MCHR2: variants seen among roughly 807,000 people sequenced by gnomAD.
MCHR2 encodes the protein melanin concentrating hormone receptor 2.
MCHR2 carries 15 observed loss-of-function variants against 24.8 expected under a neutral mutation model. The ratio of observed to expected loss-of-function variants is 0.60; its 90% CI spans 0.40 to 0.93. The LOEUF is 0.93. MCHR2 is among the 40% of genes least tolerant of loss of function. The pLI, the probability that MCHR2 is intolerant of heterozygous loss-of-function variation, is 0.00. For synonymous variants in MCHR2, 151 were observed against 147.6 expected (o/e 1.02, Z -0.17); for missense variants, 386 against 408.7 (o/e 0.94, Z 0.48).
intron 5 of MCHR2, among the ~76,000 whole-genome samples, chr6:99,927,267 C>T (rs1046298332): frequency 1.3e-5 from 2 of 152,318 alleles, no homozygotes; most frequent in African/African-American, 4.8e-5. Flanking sequence ...AGTCAGGTAG[C>T]ATGATGCCTC....
intron 4 of MCHR2, among the ~76,000 whole-genome samples, chr6:99,938,283 C>T (rs1023466524): frequency 5.9e-5 from 9 of 151,736 alleles, no homozygotes; most frequent in African/African-American, 1.5e-4. Context: ...GAGGTACATT[C>T]GTGGGTTGTT....
chr6:99,947,939 A>G lies in MCHR2; in HGVS notation c.215T>C (p.Ile72Thr), dbSNP rs1774902140. ...SRKKTVPDIY[I>T]CNLAVADLVH... ...CAAATCAGCCACAGCCAGGTTGCAG[A>G]TATAGATGTCAGGGACTGTTTTTTT... Residue 72 changes from isoleucine to threonine, a missense_variant, in exon 3 of 6, where the codon ATC becomes ACC. Coordinates refer to ENST00000281806, the MANE Select transcript of MCHR2 (RefSeq NM_001040179.2). 6.2e-7 allele frequency: 1 copy of G among 1,613,582 alleles called. No homozygotes were observed. Among genetic ancestry groups the G allele is most frequent in the African/African-American group, 1.3e-5 (1 of 74,892 alleles).
intron 1 of MCHR2, among the ~76,000 whole-genome samples, chr6:99,965,617 T>G (rs1037904743): frequency 2.0e-5 from 3 of 152,162 alleles, no homozygotes; most frequent in African/African-American, 7.2e-5. Flanking sequence ...GAAAATCTAG[T>G]GTTTTGTAAT....
rs376221956 is a variant in MCHR2 at position 99,964,939 on chromosome 6, C to T, written c.-27-8765G>A. On this transcript the variant is annotated intron_variant, in intron 1 of 5. Transcript: ENST00000281806. ...TATAGAATTAAAAAACAAGGCAAAA[C>T]GAATCTATATTACTAGGGCTACATA... Among the ~76,000 whole-genome samples the T allele has an allele frequency of 1.4e-3, 215 of 151,946 alleles. 2 individuals carry two copies. In the South Asian group the frequency reaches 0.019, roughly 13 times the overall value.
At chr6:99,964,412 A>G (rs957079372) in intron 1 of MCHR2, among the ~76,000 whole-genome samples, 6 of 152,148 alleles carry the variant, frequency 3.9e-5, no homozygotes, top group African/African-American at 1.4e-4. Context: ...GGTAATTTAT[A>G]AAGGAAAGAG....
Position 99,921,226 on chromosome 6 carries a change from ACT to A in MCHR2, c.735_736del (p.Arg245SerfsTer57). 1 of 1,613,888 alleles carries A rather than the reference ACT, an allele frequency of 6.2e-7. No homozygotes were observed. Among genetic ancestry groups the A allele is most frequent in the Non-Finnish European group, 8.5e-7 (1 of 1,179,952 alleles). On this transcript the variant is annotated frameshift_variant, in exon 6 of 6. Transcript: ENST00000281806. LOFTEE classifies it low-confidence loss of function (END_TRUNC). ...CAGCACCATCTTTGTCAACTTCATC[ACT>A]CTCTGTTTTGGTACACTGGGATTGC...
At position 99,920,711 on chromosome 6, in the gene MCHR2, T is replaced by A. The variant is rs372857956; in HGVS notation, c.*229A>T. 5.9e-6 allele frequency: 3 copies of A among 510,402 alleles called. No homozygotes were observed. The highest frequency in any genetic ancestry group is 1.1e-5 in the Non-Finnish European group (3 of 283,958). The allele number at this position is 510,402 out of a possible 1,614,324, so 31.6% of individuals were successfully genotyped here. A position where few individuals can be genotyped will look rare whatever the true frequency, so the allele number is the denominator to read the frequency against. On this transcript the variant is annotated 3_prime_UTR_variant, in exon 6 of 6. Transcript: ENST00000281806. ...TATACACCATCATGAAGCCTGGGTA[T>A]CTCAGACTATCCCATTCCCTACCCA...
At chr6:99,959,061 A>T (rs1434405453) in intron 1 of MCHR2, among the ~76,000 whole-genome samples, 3 of 152,038 alleles carry the variant, frequency 2.0e-5, no homozygotes, top group African/African-American at 7.2e-5. Flanking sequence ...TGGAGCATAT[A>T]TGCAGTGTTC....
At chr6:99,968,025 G>A (rs1027522858) in intron 1 of MCHR2, among the ~76,000 whole-genome samples, 1 of 152,148 alleles carries the variant, frequency 6.6e-6, no homozygotes, top group Non-Finnish European at 1.5e-5. Flanking sequence ...CTCATACTGA[G>A]GTTGTGATGA....
chr6:99,942,966 G>C lies in MCHR2; in HGVS notation c.570C>G (p.Ser190=). The C allele has an allele frequency of 6.2e-7, 1 of 1,611,254 alleles. No homozygotes were observed. The highest frequency in any genetic ancestry group is 8.5e-7 in the Non-Finnish European group (1 of 1,178,314). ...GVESCAFDLT[S]PDDVLWYTLY... is the part of the protein sequence containing the mutation. Reference sequence around the variant, plus strand: ...CAACTTACCAGAGTACATCGTCAGGGGATGTCAAATCAAAAGCACAACTCT... The same window carrying C: ...CAACTTACCAGAGTACATCGTCAGGCGATGTCAAATCAAAAGCACAACTCT... The change falls in exon 4 of 6, where the codon TCC becomes TCG. Residue 190 remains serine, a synonymous_variant. Coordinates refer to ENST00000281806, the MANE Select transcript of MCHR2 (RefSeq NM_001040179.2).
chr6:99,951,506 C>T lies in MCHR2; in HGVS notation c.183-3535G>A, dbSNP rs550125772. Among the ~76,000 whole-genome samples, 9 of 152,256 alleles carry T rather than the reference C, an allele frequency of 5.9e-5. No individual in the cohort carries two copies. The South Asian group carries it at 8.3e-4, about 14-fold the overall frequency. On this transcript the variant is annotated intron_variant, in intron 2 of 5. Transcript: ENST00000281806. ...AATTTTATTTTCATTTCTATGCCCTCGCTCATTGTGTCCTTAGGCAAGCGA... is the reference window on the plus strand; with the variant it reads ...AATTTTATTTTCATTTCTATGCCCTTGCTCATTGTGTCCTTAGGCAAGCGA...
intron 2 of MCHR2, among the ~76,000 whole-genome samples, chr6:99,948,798 T>C (rs539659674): frequency 2.2e-4 from 34 of 152,302 alleles, no homozygotes; most frequent in African/African-American, 7.9e-4. Context: ...TGCATTTTTT[T>C]TCTTATTGCA....
At chr6:99,939,193 T>C (rs1160046659) in intron 4 of MCHR2, among the ~76,000 whole-genome samples, 1 of 152,064 alleles carries the variant, frequency 6.6e-6, no homozygotes, top group Non-Finnish European at 1.5e-5. Context: ...TTATTATTGA[T>C]AAGCAAGGAC....
intron 1 of MCHR2, among the ~76,000 whole-genome samples, chr6:99,968,663 C>A (rs1487158079): frequency 1.3e-5 from 2 of 151,936 alleles, no homozygotes; most frequent in African/African-American, 4.8e-5. Context: ...AATACTCTAC[C>A]CAACAACAGC....
At chr6:99,921,497 G>T (rs1309652999) in intron 5 of MCHR2, among the ~76,000 whole-genome samples, 2 of 151,970 alleles carry the variant, frequency 1.3e-5, no homozygotes, top group African/African-American at 4.8e-5. Context: ...TTTTTTGTGG[G>T]TACATAGTAG....
At chr6:99,969,110 C>A (rs1775345148) in intron 1 of MCHR2, among the ~76,000 whole-genome samples, 1 of 152,002 alleles carries the variant, frequency 6.6e-6, no homozygotes, top group African/African-American at 2.4e-5. Context: ...TTATAATTGT[C>A]TTAAATGTTT....
At chr6:99,987,090 G>GT (rs144650209) in intron 1 of MCHR2, among the ~76,000 whole-genome samples, 3 of 149,460 alleles carry the variant, frequency 2.0e-5, no homozygotes, top group South Asian at 4.2e-4. Context: ...GTGTTGTGTT[G>GT]TATTTATTTA....
At chr6:99,931,706 G>T (rs1457984286) in intron 5 of MCHR2, among the ~76,000 whole-genome samples, 1 of 152,156 alleles carries the variant, frequency 6.6e-6, no homozygotes, top group Non-Finnish European at 1.5e-5. Flanking sequence ...CAGTATTAGG[G>T]TGGGAGTGAC....
chr6:99,948,021 A>C, intron 2 of MCHR2, 50 bp from the exon 3 acceptor site: 1 of 1,487,902 alleles, frequency 6.7e-7, no homozygotes, highest in South Asian at 1.2e-5. Flanking sequence ...TATACAGACT[A>C]TTCGATATAT....
Sources: allele counts gnomAD v4.1 joint callset (sites outside exome capture counted in the v4.1 genomes callset), GRCh38; gene constraint gnomAD v4.1.1; transcripts MANE v1.5; gene names NCBI Gene and HGNC (gene_info 2026-07-23, HGNC 2026-07-21).